OLA1: variants seen among roughly 807,000 people sequenced by gnomAD.
OLA1 encodes obg-like ATPase 1.
In OLA1, 14 loss-of-function variants were observed where a neutral mutation model predicts 48.4. That is an observed-to-expected ratio of 0.29 (90% CI 0.19 to 0.45). The LOEUF is 0.45. OLA1 is among the 20% of genes least tolerant of loss of function. The pLI is 1.00. For missense variants in OLA1, 325 were observed against 467.1 expected (o/e 0.70, Z 2.80); for synonymous variants, 127 against 150.4 (o/e 0.84, Z 1.14).
chr2:174,200,745 C>T (rs996252388), intron 4 of OLA1, among the ~76,000 whole-genome samples: 1 of 152,028 alleles, frequency 6.6e-6, no homozygotes. Flanking sequence ...CCAAAGAAAA[C>T]ATCAATATAA....
At chr2:174,105,399 TTTGAG>T (rs1685491415) in intron 7 of OLA1, among the ~76,000 whole-genome samples, 1 of 152,020 alleles carries the variant, frequency 6.6e-6, no homozygotes, top group African/African-American at 2.4e-5. Flanking sequence ...TTTGTAGAAT[TTTGAG>T]TTCTGTGTTT....
chr2:174,105,157 T>C (rs1685486886), intron 7 of OLA1, among the ~76,000 whole-genome samples: 1 of 151,900 alleles, frequency 6.6e-6, no homozygotes, highest in African/African-American at 2.4e-5. Flanking sequence ...CAGACAAGGT[T>C]TTTAATTTTA....
At chr2:174,092,137 AAAAAAGAAAG>A (rs1314322253) in intron 7 of OLA1, among the ~76,000 whole-genome samples, 5 of 148,618 alleles carry the variant, frequency 3.4e-5, no homozygotes, top group Non-Finnish European at 1.5e-5. Flanking sequence ...CAAAAAAAAA[AAAAAAGAAAG>A]AAAAGAAAAG....
At chr2:174,151,926 A>G (rs997040101) in intron 4 of OLA1, among the ~76,000 whole-genome samples, 1 of 152,218 alleles carries the variant, frequency 6.6e-6, no homozygotes, top group Non-Finnish European at 1.5e-5. Flanking sequence ...ATTTGAAAAT[A>G]TAGTTTAAGC....
intron 10 of OLA1, 42 bp downstream of exon 10, chr2:174,078,926 G>C: frequency 6.4e-7 from 1 of 1,572,440 alleles, no homozygotes; most frequent in Non-Finnish European, 8.6e-7. Flanking sequence ...CTTCGCATCA[G>C]TGGAAACATT....
chr2:174,160,212 T>C (rs1242525874), intron 4 of OLA1, among the ~76,000 whole-genome samples: 1 of 152,132 alleles, frequency 6.6e-6, no homozygotes, highest in Non-Finnish European at 1.5e-5. Context: ...AGAAGTAACA[T>C]TTCATAGAAG....
At position 174,198,895 on chromosome 2, in the gene OLA1, T is replaced by A. The variant is rs138036905; in HGVS notation, c.373+24138A>T. On this transcript the variant is annotated intron_variant, in intron 4 of 10. Transcript: ENST00000284719. ...GACATCAGCAGTCATGGTACAAAAG[T>A]AATTGTGGGAAAAACTGCTAGTATC... Among the ~76,000 whole-genome samples, 808 of 152,352 alleles carry A rather than the reference T, an allele frequency of 5.3e-3. 9 individuals carry two copies. The Middle Eastern group carries it at 0.065, about 12-fold the overall frequency.
intron 5 of OLA1, among the ~76,000 whole-genome samples, chr2:174,126,096 T>A (rs921615621): frequency 6.6e-6 from 1 of 152,128 alleles, no homozygotes; most frequent in Non-Finnish European, 1.5e-5. Context: ...TGGTATAGTT[T>A]CAATGTGCTC....
rs541645401 is a variant in OLA1 at position 174,181,431 on chromosome 2, G to T, written c.374-39431C>A. Among the ~76,000 whole-genome samples the T allele has an allele frequency of 2.6e-4, 40 of 152,260 alleles. No individual in the cohort carries two copies. The South Asian group carries it at 8.1e-3, about 31-fold the overall frequency. On this transcript the variant is annotated intron_variant, in intron 4 of 10. Transcript: ENST00000284719. The stretch of plus-strand genomic sequence containing the variant: ...TTTTATGTTCATTTTTTAAAGATGG[G>T]TGATATTACTGCATGTTTGCAAGCT...
chr2:174,112,765 GACATACTCTCA>G (rs1237021604), intron 7 of OLA1, among the ~76,000 whole-genome samples: 4 of 152,138 alleles, frequency 2.6e-5, no homozygotes, highest in Non-Finnish European at 1.5e-5. Flanking sequence ...AGATGCCAGT[GACATACTCTCA>G]GGCTTCCTGG....
At chr2:174,168,348 G>A (rs187844439) in intron 4 of OLA1, among the ~76,000 whole-genome samples, 1 of 151,884 alleles carries the variant, frequency 6.6e-6, no homozygotes, top group Non-Finnish European at 1.5e-5. Flanking sequence ...CTAAGAAATC[G>A]AGGTTGCAGT....
At chr2:174,085,376 T>C (rs1684945768) in intron 7 of OLA1, among the ~76,000 whole-genome samples, 1 of 152,188 alleles carries the variant, frequency 6.6e-6, no homozygotes, top group Non-Finnish European at 1.5e-5. Flanking sequence ...CATTAGATTC[T>C]CACAGAAGCC....
At chr2:174,114,334 T>A (rs1685727948) in intron 7 of OLA1, among the ~76,000 whole-genome samples, 1 of 75,874 alleles carries the variant, frequency 1.3e-5, no homozygotes. Flanking sequence ...AGAGCAAGAC[T>A]CCGCCTCAAA....
intron 7 of OLA1, among the ~76,000 whole-genome samples, chr2:174,108,959 T>C (rs546625093): frequency 6.6e-6 from 1 of 152,194 alleles, no homozygotes; most frequent in Non-Finnish European, 1.5e-5. Flanking sequence ...ATGGGACACT[T>C]GCTGTGCCAC....
chr2:174,153,393 T>C (rs1454162497), intron 4 of OLA1, among the ~76,000 whole-genome samples: 2 of 152,068 alleles, frequency 1.3e-5, no homozygotes, highest in African/African-American at 2.4e-5. Context: ...TAAGATGAGA[T>C]AAAGAGAAAG....
At chr2:174,127,625 G>A (rs988789752) in intron 5 of OLA1, among the ~76,000 whole-genome samples, 35 of 152,190 alleles carry the variant, frequency 2.3e-4, no homozygotes, top group African/African-American at 8.2e-4. Flanking sequence ...GTGCCTTTGA[G>A]GGAAGATGGC....
chr2:174,186,755 C>T (rs1471237333), intron 4 of OLA1, among the ~76,000 whole-genome samples: 2 of 151,866 alleles, frequency 1.3e-5, no homozygotes, highest in African/African-American at 4.8e-5. Context: ...CTATAGGTAA[C>T]AGTGATAAGA....
chr2:174,163,493 G>A (rs1302467361), intron 4 of OLA1, among the ~76,000 whole-genome samples: 1 of 151,556 alleles, frequency 6.6e-6, no homozygotes, highest in Non-Finnish European at 1.5e-5. Flanking sequence ...TTAGAGACCA[G>A]CCTGGCCAAC....
intron 4 of OLA1, among the ~76,000 whole-genome samples, chr2:174,190,940 G>A (rs560779323): frequency 3.3e-3 from 220 of 66,144 alleles, no homozygotes; most frequent in Non-Finnish European, 4.4e-3. Flanking sequence ...GCAAGACTTC[G>A]TCTCAAAAAA....
Sources: allele counts gnomAD v4.1 joint callset (sites outside exome capture counted in the v4.1 genomes callset), GRCh38; gene constraint gnomAD v4.1.1; transcripts MANE v1.5; gene names NCBI Gene and HGNC (gene_info 2026-07-23, HGNC 2026-07-21).